The following ATP8A2 variants were observed in gnomAD, a reference collection of about 807,000 sequenced individuals.
The protein encoded by ATP8A2 is phospholipid-transporting ATPase IB.
Under a neutral mutation model 165.6 loss-of-function variants are expected in ATP8A2, and 100 were observed. The ratio of observed to expected loss-of-function variants is 0.60; its 90% CI spans 0.51 to 0.71. The LOEUF is 0.71. Among genes scored for constraint, ATP8A2 ranks in the 30% least tolerant of loss-of-function variants. The pLI is 0.00. For synonymous variants in ATP8A2, 543 were observed against 548.8 expected (o/e 0.99, Z 0.15); for missense variants, 1,227 against 1,479.5 (o/e 0.83, Z 2.80).
At position 25,377,391 on chromosome 13, in the gene ATP8A2, A is replaced by G. The variant is rs73472418; in HGVS notation, c.76+5103A>G. ...CTCCCCATCATTATCAAGGGCAAAC[A>G]CAGAAACAGGACCTACTCCAGGACA... On this transcript the variant is annotated intron_variant, in intron 1 of 36. Coordinates refer to ENST00000381655, the MANE Select transcript of ATP8A2 (RefSeq NM_016529.6). Among the ~76,000 whole-genome samples the G allele has an allele frequency of 2.1e-3, 322 of 152,314 alleles. 1 individual carries two copies. The highest frequency in any genetic ancestry group is 7.4e-3 in the African/African-American group (307 of 41,568).
At chr13:25,384,280 C>G (rs546707948) in intron 1 of ATP8A2, among the ~76,000 whole-genome samples, 17 of 152,216 alleles carry the variant, frequency 1.1e-4, no homozygotes, top group Admixed American at 8.5e-4. Context: ...AATTTCAATA[C>G]GATGGTTTAA....
chr13:25,617,241 A>G (rs960848831), intron 24 of ATP8A2, among the ~76,000 whole-genome samples: 2 of 151,698 alleles, frequency 1.3e-5, no homozygotes, highest in African/African-American at 2.4e-5. Context: ...TGTTTTGACT[A>G]TAATCATACA....
At position 25,831,795 on chromosome 13, in the gene ATP8A2, A is replaced by T. The variant is rs539599297; in HGVS notation, c.2754+3603A>T. The stretch of plus-strand genomic sequence containing the variant: ...GAGGCGGAGGTTGCAGTAAGCTGAG[A>T]TCACACCACTGCACTCTAGCCTGGG... On this transcript the variant is annotated intron_variant, in intron 28 of 36. Coordinates refer to ENST00000381655, the MANE Select transcript of ATP8A2 (RefSeq NM_016529.6). Among the ~76,000 whole-genome samples, 15 of 151,666 alleles carry T rather than the reference A, an allele frequency of 9.9e-5. 1 individual carries two copies. In the South Asian group the frequency reaches 1.9e-3, roughly 19 times the overall value.
intron 24 of ATP8A2, among the ~76,000 whole-genome samples, chr13:25,687,153 G>T (rs1051618358): frequency 9.9e-5 from 15 of 152,172 alleles, no homozygotes; most frequent in Admixed American, 7.9e-4. Flanking sequence ...TCTGGCCGGG[G>T]TCAGGAGTTC....
intron 33 of ATP8A2, among the ~76,000 whole-genome samples, chr13:25,955,661 G>A (rs879312504): frequency 6.6e-5 from 10 of 152,160 alleles, no homozygotes; most frequent in Non-Finnish European, 1.3e-4. Flanking sequence ...AAATGCCCAG[G>A]ACCAGACGGA....
chr13:25,937,362 C>CTTTTTTTTTTTTTTTTT (rs1555293658), intron 33 of ATP8A2, among the ~76,000 whole-genome samples: 4 of 38,802 alleles, frequency 1.0e-4, no homozygotes, highest in African/African-American at 1.4e-4. Context: ...TTCTTTCTTT[C>CTTTTTTTTTTTTTTTTT]TTTTTTTTTT....
chr13:25,804,485 A>G (rs753242765), intron 27 of ATP8A2, among the ~76,000 whole-genome samples: 15 of 152,216 alleles, frequency 9.9e-5, no homozygotes, highest in Non-Finnish European at 1.9e-4. Context: ...TTATAAGTAT[A>G]TTAATCTAAC....
At position 25,886,909 on chromosome 13, in the gene ATP8A2, G is replaced by A. The variant is rs1047175872; in HGVS notation, c.3183+24501G>A. On this transcript the variant is annotated intron_variant, in intron 33 of 36. Coordinates refer to ENST00000381655, the MANE Select transcript of ATP8A2 (RefSeq NM_016529.6). ...TTGTAGGGTCAAATTTATGAAGAAAGGGGTAATCAGCTCAGGCACATTGAC... is the reference window on the plus strand; with the variant it reads ...TTGTAGGGTCAAATTTATGAAGAAAAGGGTAATCAGCTCAGGCACATTGAC... Among the ~76,000 whole-genome samples the A allele has an allele frequency of 5.3e-5, 8 of 152,184 alleles. 1 individual carries two copies. The South Asian group carries it at 1.7e-3, about 32-fold the overall frequency.
At chr13:25,637,793 A>G (rs2041409778) in intron 24 of ATP8A2, among the ~76,000 whole-genome samples, 1 of 152,180 alleles carries the variant, frequency 6.6e-6, no homozygotes, top group African/African-American at 2.4e-5. Flanking sequence ...AGATCTGAGA[A>G]TGGACAGACT....
chr13:25,968,400 G>C (rs535373481), intron 34 of ATP8A2, among the ~76,000 whole-genome samples, 175 bp from the exon 35 acceptor site: 31 of 152,248 alleles, frequency 2.0e-4, no homozygotes, highest in African/African-American at 7.5e-4. Flanking sequence ...GATACTTCCG[G>C]GCTGTGGAGA....
chr13:25,755,610 T>C (rs558011866), intron 25 of ATP8A2, among the ~76,000 whole-genome samples: 1 of 152,254 alleles, frequency 6.6e-6, no homozygotes, highest in South Asian at 2.1e-4. Context: ...TAGGTTGATA[T>C]ATAAAGAAAC....
chr13:25,702,485 C>A (rs1185816706), intron 25 of ATP8A2, among the ~76,000 whole-genome samples: 1 of 152,146 alleles, frequency 6.6e-6, no homozygotes, highest in Non-Finnish European at 1.5e-5. Flanking sequence ...TTGTATCTGG[C>A]AGGGGTGTTG....
chr13:25,823,289 G>A (rs1275778768), intron 27 of ATP8A2, among the ~76,000 whole-genome samples: 2 of 151,260 alleles, frequency 1.3e-5, no homozygotes, highest in African/African-American at 2.4e-5. Flanking sequence ...AACTTTTATT[G>A]TATGTTGGGC....
At chr13:25,745,487 A>G (rs1287958822) in intron 25 of ATP8A2, among the ~76,000 whole-genome samples, 2 of 152,132 alleles carry the variant, frequency 1.3e-5, no homozygotes, top group South Asian at 2.1e-4. Context: ...GGACATGGAC[A>G]TTTGATTTGG....
chr13:25,672,397 A>G (rs2042285311), intron 24 of ATP8A2, among the ~76,000 whole-genome samples: 1 of 152,070 alleles, frequency 6.6e-6, no homozygotes, highest in Non-Finnish European at 1.5e-5. Flanking sequence ...CTCTCACAAC[A>G]TCACTGCAGT....
chr13:25,654,330 C>T (rs1036835237), intron 24 of ATP8A2, among the ~76,000 whole-genome samples: 7 of 152,090 alleles, frequency 4.6e-5, no homozygotes, highest in Admixed American at 2.6e-4. Flanking sequence ...CTCAGCCTCC[C>T]GAGTGGCTGG....
At chr13:25,451,605 G>T (rs1033111382) in intron 1 of ATP8A2, among the ~76,000 whole-genome samples, 1 of 151,984 alleles carries the variant, frequency 6.6e-6, no homozygotes. Context: ...CTATTTCCTT[G>T]GTAATTGATG....
At chr13:25,469,325 T>C (rs1449056333) in intron 2 of ATP8A2, among the ~76,000 whole-genome samples, 2 of 151,956 alleles carry the variant, frequency 1.3e-5, no homozygotes, top group Non-Finnish European at 2.9e-5. Context: ...CCCTCACCGT[T>C]CTCTCCTGCG....
At chr13:25,441,550 C>A (rs2034932000) in intron 1 of ATP8A2, among the ~76,000 whole-genome samples, 1 of 152,166 alleles carries the variant, frequency 6.6e-6, no homozygotes, top group Non-Finnish European at 1.5e-5. Flanking sequence ...CATTTATCAA[C>A]CTACCTATAA....
Sources: allele counts gnomAD v4.1 joint callset (sites outside exome capture counted in the v4.1 genomes callset), GRCh38; gene constraint gnomAD v4.1.1; transcripts MANE v1.5; gene names NCBI Gene and HGNC (gene_info 2026-07-23, HGNC 2026-07-21).